The following TYW1 variants were observed in gnomAD, a reference collection of about 807,000 sequenced individuals.
TYW1 encodes S-adenosyl-L-methionine-dependent tRNA 4-demethylwyosine synthase TYW1.
A neutral mutation model predicts 96.2 loss-of-function variants in TYW1; 46 were observed. That is an observed-to-expected ratio of 0.48 (90% CI 0.38 to 0.61). TYW1 has a LOEUF of 0.61. TYW1 is among the 20% of genes least tolerant of loss of function. The pLI is 0.00. For missense variants in TYW1, 684 were observed against 909.6 expected (o/e 0.75, Z 3.19); for synonymous variants, 274 against 323.0 (o/e 0.85, Z 1.63).
chr7:67,097,540 A>T (rs2686981), intron 11 of TYW1, among the ~76,000 whole-genome samples: 1 of 152,194 alleles, frequency 6.6e-6, no homozygotes, highest in Non-Finnish European at 1.5e-5. Flanking sequence ...CTGGGATTAC[A>T]GGCATCCGCC....
At chr7:67,155,621 C>T (rs943011128) in intron 13 of TYW1, among the ~76,000 whole-genome samples, 1 of 151,820 alleles carries the variant, frequency 6.6e-6, no homozygotes, top group African/African-American at 2.4e-5. Flanking sequence ...GGCGCGATCT[C>T]AATATCAGCT....
At chr7:67,080,952 T>TG (rs1243718190) in intron 10 of TYW1, among the ~76,000 whole-genome samples, 49 of 146,318 alleles carry the variant, frequency 3.3e-4, no homozygotes, top group African/African-American at 1.2e-3. Context: ...TTTTTTTTTT[T>TG]TTTTTTTTTT....
rs779094076 is a variant in TYW1 at position 67,230,452 on chromosome 7, AAAAAC to A, written c.1978-7841_1978-7837del. On this transcript the variant is annotated intron_variant, in intron 15 of 15. Transcript: ENST00000359626. ...ACAGTTAAAAAGTCCAAGTTTATTAAAAAACAAAACAAAACAAAAAAGCAGCAGTT... is the reference window on the plus strand; with the variant it reads ...ACAGTTAAAAAGTCCAAGTTTATTAAAAAACAAAACAAAAAAGCAGCAGTT... Among the ~76,000 whole-genome samples the A allele has an allele frequency of 7.9e-5, 12 of 151,666 alleles. No individual in the cohort carries two copies. In the South Asian group the frequency reaches 1.7e-3, roughly 21 times the overall value.
intron 13 of TYW1, among the ~76,000 whole-genome samples, chr7:67,167,602 A>AT (rs1313677353): frequency 1.8e-4 from 26 of 147,902 alleles, no homozygotes; most frequent in East Asian, 4.0e-4. Context: ...TAAAATGGGG[A>AT]TTTTTTTTCC....
intron 13 of TYW1, among the ~76,000 whole-genome samples, chr7:67,156,177 G>A (rs1038409891): frequency 5.3e-5 from 8 of 152,200 alleles, no homozygotes; most frequent in Admixed American, 3.9e-4. Context: ...TGGGCCTCCA[G>A]GTGGCATGCT....
rs977726533 is a variant in TYW1 at position 67,153,303 on chromosome 7, C to A, written c.1699-29823C>A. 3.9e-5 allele frequency among the ~76,000 whole-genome samples: 6 copies of A among 152,204 alleles called. No homozygotes were observed. In the East Asian group the frequency reaches 7.7e-4, roughly 20 times the overall value. ...AAGCCCCATCTCTACTAAAAATACA[C>A]AAATTAGCTGGGTGTTGTGGTGCAC... On this transcript the variant is annotated intron_variant, in intron 13 of 15. Coordinates refer to ENST00000359626, the MANE Select transcript of TYW1 (RefSeq NM_018264.4).
intron 9 of TYW1, among the ~76,000 whole-genome samples, chr7:67,066,191 G>T (rs1180219975): frequency 6.6e-6 from 1 of 152,142 alleles, no homozygotes; most frequent in Non-Finnish European, 1.5e-5. Context: ...AGTGGGGAAT[G>T]ACATTGATTT....
intron 13 of TYW1, among the ~76,000 whole-genome samples, chr7:67,124,386 C>T (rs1370167985): frequency 2.6e-5 from 4 of 152,092 alleles, no homozygotes; most frequent in Admixed American, 6.6e-5. Flanking sequence ...ATGTGCTCCA[C>T]CACACCTGGC....
intron 15 of TYW1, among the ~76,000 whole-genome samples, chr7:67,213,562 G>A (rs1241435378): frequency 6.6e-6 from 1 of 152,076 alleles, no homozygotes; most frequent in African/African-American, 2.4e-5. Context: ...CTAATTTTTT[G>A]TCATGGATCC....
chr7:67,163,573 C>T (rs1187665795), intron 13 of TYW1, among the ~76,000 whole-genome samples: 2 of 152,108 alleles, frequency 1.3e-5, no homozygotes, highest in African/African-American at 2.4e-5. Context: ...CACTGTCCTA[C>T]GATTCAGTTG....
chr7:67,219,911 G>T (rs1584711750), intron 15 of TYW1, among the ~76,000 whole-genome samples: 1 of 127,818 alleles, frequency 7.8e-6, no homozygotes. Flanking sequence ...ATTTCCTTCT[G>T]CTAGCTTTTG....
chr7:67,087,141 C>T (rs188642953), intron 11 of TYW1, among the ~76,000 whole-genome samples: 7 of 152,234 alleles, frequency 4.6e-5, no homozygotes, highest in Admixed American at 4.6e-4. Flanking sequence ...AGCGTTTTTG[C>T]AAATGCACTT....
At chr7:67,020,415 T>C (rs1280842645) in intron 6 of TYW1, among the ~76,000 whole-genome samples, 1 of 152,272 alleles carries the variant, frequency 6.6e-6, no homozygotes, top group Admixed American at 6.5e-5. Context: ...ATTTTTTATG[T>C]TTTTAGTAGA....
At chr7:67,057,691 G>A (rs1024963344) in intron 9 of TYW1, among the ~76,000 whole-genome samples, 2 of 152,082 alleles carry the variant, frequency 1.3e-5, no homozygotes, top group South Asian at 2.1e-4. Flanking sequence ...TGTGTTGTGC[G>A]TATTGGCTGT....
intron 12 of TYW1, among the ~76,000 whole-genome samples, chr7:67,106,455 A>G (rs1797248153): frequency 3.3e-5 from 5 of 152,162 alleles, no homozygotes; most frequent in Admixed American, 3.3e-4. Context: ...CCACGCTGTA[A>G]TGCTGACGAC....
At chr7:67,188,723 A>G (rs35970624) in intron 14 of TYW1, among the ~76,000 whole-genome samples, 43,963 of 151,988 alleles carry the variant, frequency 0.29, 7,051 homozygotes, top group African/African-American at 0.43. Flanking sequence ...CCTTACCCTC[A>G]AATGGCCTTG....
At chr7:67,036,338 C>T (rs201484590) in intron 7 of TYW1, among the ~76,000 whole-genome samples, 5 of 152,114 alleles carry the variant, frequency 3.3e-5, no homozygotes, top group South Asian at 2.1e-4. Flanking sequence ...CGTTCCATAG[C>T]GCTCCTCTAA....
chr7:67,004,041 C>T (rs532367087), intron 3 of TYW1, among the ~76,000 whole-genome samples: 133 of 151,400 alleles, frequency 8.8e-4, no homozygotes, highest in Middle Eastern at 6.9e-3. Flanking sequence ...GAAACCTTGT[C>T]TCAAAAAAAA....
At chr7:67,217,880 G>T (rs1801253401) in intron 15 of TYW1, among the ~76,000 whole-genome samples, 2 of 81,560 alleles carry the variant, frequency 2.5e-5, no homozygotes, top group African/African-American at 5.2e-5. Context: ...TTTTGAGACA[G>T]AGTTTTTCAC....
Sources: gnomAD v4.1 joint callset for allele counts (sites outside exome capture counted in the v4.1 genomes callset) on GRCh38, gnomAD v4.1.1 for gene constraint, MANE v1.5 for transcripts, NCBI Gene and HGNC (gene_info 2026-07-23, HGNC 2026-07-21) for gene names.